The following KIRREL1 variants were observed in gnomAD, a reference collection of about 807,000 sequenced individuals.
KIRREL1 encodes kin of IRRE-like protein 1.
A neutral mutation model predicts 83.3 loss-of-function variants in KIRREL1; 25 were observed. That is an observed-to-expected ratio of 0.30 (90% confidence interval 0.22 to 0.42). The LOEUF is 0.42. Ranked by LOEUF, KIRREL1 falls within the 10% of genes least tolerant of loss-of-function variation. The pLI is 1.00. For synonymous variants in KIRREL1, 388 were observed against 410.4 expected (o/e 0.95, Z 0.66); for missense variants, 812 against 1,032.3 (o/e 0.79, Z 2.92).
chr1:158,000,108 T>C (rs1659318325), intron 1 of KIRREL1, among the ~76,000 whole-genome samples: 1 of 152,118 alleles, frequency 6.6e-6, no homozygotes, highest in Admixed American at 6.5e-5. Context: ...ACTGCACACC[T>C]ACCTGTTCTG....
chr1:157,998,313 C>T (rs766348326), intron 1 of KIRREL1, among the ~76,000 whole-genome samples: 1 of 152,180 alleles, frequency 6.6e-6, no homozygotes, highest in Non-Finnish European at 1.5e-5. Context: ...TTTCCTGGTC[C>T]ATAGCAGAAT....
Position 158,096,939 on chromosome 1 carries a change from C to T in KIRREL1, c.*1819C>T, listed in dbSNP as rs1208196264. On this transcript the variant is annotated 3_prime_UTR_variant, in exon 15 of 15. Coordinates refer to ENST00000359209, the MANE Select transcript of KIRREL1 (RefSeq NM_018240.7). ...AGTTACATGCTTATCAGCCACAGGC[C>T]ATTACCACCCTTATGGATGGGTCTG... 3 of 456,684 alleles carry T rather than the reference C, an allele frequency of 6.6e-6. No individual in the cohort carries two copies. Among genetic ancestry groups the T allele is most frequent in the Non-Finnish European group, 1.3e-5 (3 of 227,006 alleles). The allele number at this position is 456,684 out of a possible 1,614,324, so 28.3% of individuals were successfully genotyped here.
chr1:158,000,068 T>G (rs12123469), intron 1 of KIRREL1, among the ~76,000 whole-genome samples: 58,611 of 149,576 alleles, frequency 0.39, 12,030 homozygotes, highest in Admixed American at 0.48. Context: ...AAAGATGGGG[T>G]GGGGGCTGAG....
chr1:158,098,959 G>A lies in KIRREL1; in HGVS notation c.*3839G>A, dbSNP rs575948937. 1 of 152,350 alleles carries A rather than the reference G, an allele frequency of 6.6e-6. No homozygotes were observed. Among genetic ancestry groups the A allele is most frequent in the African/African-American group, 2.4e-5 (1 of 41,574 alleles). 9.4% of individuals were successfully genotyped at this position (152,350 alleles called of 1,614,324 possible). A position where few individuals can be genotyped will look rare whatever the true frequency, so the allele number is the denominator to read the frequency against. ...ACGGAATCAGTGTCTCAATATACAT[G>A]ACCTATGTTCATAGCAATGTTCAGC... On this transcript the variant is annotated 3_prime_UTR_variant, in exon 15 of 15. Transcript: ENST00000359209.
intron 1 of KIRREL1, among the ~76,000 whole-genome samples, chr1:158,001,016 G>A (rs572193785): frequency 6.6e-6 from 1 of 152,310 alleles, no homozygotes; most frequent in Admixed American, 6.5e-5. Flanking sequence ...AGGGATAACA[G>A]GAACCCGAGT....
intron 1 of KIRREL1, among the ~76,000 whole-genome samples, chr1:158,005,553 T>C (rs1380760622): frequency 1.3e-5 from 2 of 151,964 alleles, no homozygotes; most frequent in African/African-American, 4.8e-5. Flanking sequence ...CTTTTTTTTT[T>C]TTTAATGAAA....
intron 1 of KIRREL1, among the ~76,000 whole-genome samples, chr1:158,035,833 T>G (rs777373123): frequency 6.6e-6 from 1 of 152,214 alleles, no homozygotes; most frequent in African/African-American, 2.4e-5. Context: ...GTCTATGTCC[T>G]AGTAGCAGTA....
chr1:158,019,878 C>T (rs4971177), intron 1 of KIRREL1, among the ~76,000 whole-genome samples: 119,925 of 152,036 alleles, frequency 0.79, 48,968 homozygotes, highest in Non-Finnish European at 0.89. Context: ...CCCCCGACCC[C>T]GGTAAAGAAA....
chr1:158,039,530 C>T (rs539135046), intron 1 of KIRREL1, among the ~76,000 whole-genome samples: 1 of 152,262 alleles, frequency 6.6e-6, no homozygotes, highest in African/African-American at 2.4e-5. Flanking sequence ...GCTGGGGTGA[C>T]CAGAGCCGGG....
rs558755206 is a variant in KIRREL1, at chr1:158,031,895, G to C, written c.52+38167G>C. 8.5e-5 allele frequency among the ~76,000 whole-genome samples: 13 copies of C among 152,212 alleles called. No homozygotes were observed. In the South Asian group the frequency reaches 2.7e-3, roughly 32 times the overall value. On this transcript the variant is annotated intron_variant, in intron 1 of 14. Coordinates refer to ENST00000359209, the MANE Select transcript of KIRREL1 (RefSeq NM_018240.7). Reference sequence around the variant, plus strand: ...CCCCCAAAATTTGAGACTAGCCTGGGCAACAGGGTTAGAAACCATTTCTAC... The same window carrying C: ...CCCCCAAAATTTGAGACTAGCCTGGCCAACAGGGTTAGAAACCATTTCTAC...
At chr1:158,069,434 C>T (rs558042507) in intron 1 of KIRREL1, among the ~76,000 whole-genome samples, 169 of 152,070 alleles carry the variant, frequency 1.1e-3, no homozygotes, top group African/African-American at 3.7e-3. Flanking sequence ...GTTGTCCTCC[C>T]GGTCTTTGCA....
At chr1:158,067,290 G>A (rs1384133375) in intron 1 of KIRREL1, among the ~76,000 whole-genome samples, 1 of 152,166 alleles carries the variant, frequency 6.6e-6, no homozygotes, top group Non-Finnish European at 1.5e-5. Context: ...TAATGGGAAA[G>A]GAAAGGATGG....
At position 158,096,952 on chromosome 1, in the gene KIRREL1, A is replaced by T. The variant is rs1662370922; in HGVS notation, c.*1832A>T. 2 of 456,604 alleles carry T rather than the reference A, an allele frequency of 4.4e-6. No homozygotes were observed. Among genetic ancestry groups the T allele is most frequent in the Admixed American group, 2.3e-5 (1 of 42,564 alleles). The allele number at this position is 456,604 out of a possible 1,614,324, so 28.3% of individuals were successfully genotyped here. The stretch of plus-strand genomic sequence containing the variant: ...TCAGCCACAGGCCATTACCACCCTT[A>T]TGGATGGGTCTGGGGGGCGACATTC... On this transcript the variant is annotated 3_prime_UTR_variant, in exon 15 of 15. Coordinates refer to ENST00000359209, the MANE Select transcript of KIRREL1 (RefSeq NM_018240.7).
intron 1 of KIRREL1, 141 bp from the exon 2 acceptor site, chr1:158,075,972 G>C (rs1428957177): frequency 7.0e-6 from 5 of 716,704 alleles, no homozygotes; most frequent in African/African-American, 1.8e-5. Flanking sequence ...CAAAGGGGTT[G>C]AGGCTGAAGG....
chr1:158,005,173 G>A (rs1297472612), intron 1 of KIRREL1, among the ~76,000 whole-genome samples: 2 of 152,134 alleles, frequency 1.3e-5, no homozygotes, highest in African/African-American at 2.4e-5. Flanking sequence ...GGTGTTAGGG[G>A]ATGCTTTCCT....
At position 158,091,676 on chromosome 1, in the gene KIRREL1, G is replaced by A; in HGVS notation, c.1471+120G>A. On this transcript the variant is annotated intron_variant, in intron 11 of 14. Coordinates refer to ENST00000359209, the MANE Select transcript of KIRREL1 (RefSeq NM_018240.7). Reference sequence around the variant, plus strand: ...CCCTTGGGCTCTGCTCTGAGGGAGGGGACACACAGAGGGATGTCCTGGCTG... The same window carrying A: ...CCCTTGGGCTCTGCTCTGAGGGAGGAGACACACAGAGGGATGTCCTGGCTG... The A allele has an allele frequency of 5.3e-6, 5 of 943,748 alleles. No individual in the cohort carries two copies. The Admixed American group carries it at 1.1e-4, about 20-fold the overall frequency. 58.5% of individuals were successfully genotyped at this position (943,748 alleles called of 1,614,324 possible). A position where few individuals can be genotyped will look rare whatever the true frequency, so the allele number is the denominator to read the frequency against.
chr1:158,027,194 G>T (rs1207630674), intron 1 of KIRREL1, among the ~76,000 whole-genome samples: 1 of 152,144 alleles, frequency 6.6e-6, no homozygotes, highest in East Asian at 1.9e-4. Context: ...TTTCTCTAGT[G>T]GCTCAAAGAG....
At chr1:158,052,241 G>A (rs1468353872) in intron 1 of KIRREL1, among the ~76,000 whole-genome samples, 2 of 152,052 alleles carry the variant, frequency 1.3e-5, no homozygotes, top group African/African-American at 4.8e-5. Context: ...AAACATACAT[G>A]GCCCCTGAGC....
intron 1 of KIRREL1, among the ~76,000 whole-genome samples, chr1:158,008,768 A>G (rs1368328360): frequency 6.6e-6 from 1 of 152,196 alleles, no homozygotes. Context: ...TTAGAGATGA[A>G]GAAAACCATG....
Sources: gnomAD v4.1 joint callset for allele counts (sites outside exome capture counted in the v4.1 genomes callset) on GRCh38, gnomAD v4.1.1 for gene constraint, MANE v1.5 for transcripts, NCBI Gene and HGNC (gene_info 2026-07-23, HGNC 2026-07-21) for gene names.